Variants in WDPCP observed in about 807,000 individuals in gnomAD.
WDPCP encodes the protein WD repeat-containing and planar cell polarity effector protein fritz homolog.
WDPCP carries 71 observed loss-of-function variants against 93.1 expected under a neutral mutation model. That is an observed-to-expected ratio of 0.76 (90% CI 0.63 to 0.93). WDPCP has a LOEUF of 0.93. Ranked by LOEUF, WDPCP falls within the 40% of genes least tolerant of loss-of-function variation. The probability of loss-of-function intolerance (pLI) is 0.00; values close to 1 mark genes in which losing one functional copy is unlikely to be tolerated. For synonymous variants in WDPCP, 315 were observed against 315.0 expected, an observed-to-expected ratio of 1.00 and a Z score of 0.00; for missense variants, 844 against 887.4, an observed-to-expected ratio of 0.95 and a Z score of 0.62.
At chr2:63,699,026 G>A (rs1427580823) in intron 2 of WDPCP, among the ~76,000 whole-genome samples, 3 of 152,172 alleles carry the variant, frequency 2.0e-5, no homozygotes, top group Admixed American at 2.0e-4. Flanking sequence ...TGACTCATCT[G>A]AGCAAACTGG....
At chr2:63,171,053 TC>T (rs1673353973) in intron 15 of WDPCP, among the ~76,000 whole-genome samples, 1 of 151,794 alleles carries the variant, frequency 6.6e-6, no homozygotes, top group African/African-American at 2.4e-5. Context: ...CTTATTCACA[TC>T]CTACATAAAA....
At chr2:63,720,634 C>T (rs893392439) in intron 2 of WDPCP, among the ~76,000 whole-genome samples, 2 of 152,148 alleles carry the variant, frequency 1.3e-5, no homozygotes, top group African/African-American at 4.8e-5. Flanking sequence ...TGTCTCTTTC[C>T]ATTGACCCCT....
intron 2 of WDPCP, among the ~76,000 whole-genome samples, chr2:63,809,472 G>C (rs980405354): frequency 5.2e-5 from 8 of 152,386 alleles, no homozygotes; most frequent in African/African-American, 1.9e-4. Flanking sequence ...AATACAAAGG[G>C]GGGAAAGGTG....
chr2:63,369,414 G>A (rs761119142), intron 12 of WDPCP: 15 of 456,422 alleles, frequency 3.3e-5, no homozygotes, highest in Non-Finnish European at 6.6e-5. Flanking sequence ...TGCAGATGCA[G>A]TTCACTCTCT....
intron 6 of WDPCP, among the ~76,000 whole-genome samples, chr2:63,467,383 G>C (rs910918169): frequency 2.0e-5 from 3 of 152,086 alleles, no homozygotes; most frequent in Non-Finnish European, 4.4e-5. Flanking sequence ...AGGAGGCTGA[G>C]GCAGGAGAAT....
At chr2:63,605,446 T>A in intron 3 of WDPCP, 2 of 1,249,430 alleles carry the variant, frequency 1.6e-6, no homozygotes, top group South Asian at 1.2e-5. Context: ...TGTTGCCTGA[T>A]GATATAATAT....
chr2:63,220,357 C>A (rs974537246), intron 14 of WDPCP, among the ~76,000 whole-genome samples: 1 of 152,100 alleles, frequency 6.6e-6, no homozygotes, highest in Admixed American at 6.6e-5. Flanking sequence ...TCTGACTGAA[C>A]ATAAACAACT....
chr2:63,478,558 A>C (rs1700093491), intron 6 of WDPCP, among the ~76,000 whole-genome samples: 1 of 152,178 alleles, frequency 6.6e-6, no homozygotes, highest in Non-Finnish European at 1.5e-5. Context: ...ATGGAAATTA[A>C]ATAACCTGCT....
Position 63,555,459 on chromosome 2 carries a change from C to A in WDPCP, c.75+32738G>T, listed in dbSNP as rs116486155. Among the ~76,000 whole-genome samples the A allele has an allele frequency of 2.8e-3, 425 of 152,344 alleles. 2 individuals are homozygous for A. Among genetic ancestry groups the A allele is most frequent in the Admixed American group, 5.2e-3 (80 of 15,304 alleles). On this transcript the variant is annotated intron_variant, in intron 1 of 17. Coordinates refer to ENST00000272321, the MANE Select transcript of WDPCP (RefSeq NM_015910.7). ...GCGGTCCAGGCCAGTGGGATTCCCC[C>A]CAGTGCAGCACACCCTCTCTGCCAA...
At chr2:63,550,859 A>G (rs1335123117) in intron 1 of WDPCP, among the ~76,000 whole-genome samples, 1 of 151,964 alleles carries the variant, frequency 6.6e-6, no homozygotes, top group Non-Finnish European at 1.5e-5. Flanking sequence ...AACTCCTGAA[A>G]TAAGAATTCC....
chr2:63,661,535 G>C (rs1449086482), intron 2 of WDPCP, among the ~76,000 whole-genome samples: 1 of 152,138 alleles, frequency 6.6e-6, no homozygotes, highest in Admixed American at 6.5e-5. Context: ...ATGATAGAAT[G>C]AACATACTTG....
intron 1 of WDPCP, among the ~76,000 whole-genome samples, chr2:63,575,750 T>A (rs1708071440): frequency 6.6e-6 from 1 of 151,282 alleles, no homozygotes; most frequent in African/African-American, 2.4e-5. Context: ...TATACAGCAT[T>A]CAGCATATAC....
chr2:63,715,456 C>T (rs1004060375), intron 2 of WDPCP, among the ~76,000 whole-genome samples: 1 of 152,212 alleles, frequency 6.6e-6, no homozygotes, highest in Non-Finnish European at 1.5e-5. Flanking sequence ...TGAGAAGCTA[C>T]TTTAGCTACC....
rs969531108 is a variant in WDPCP at position 63,674,629 on chromosome 2, A to G, written n.309-23791T>C. Among the ~76,000 whole-genome samples, 27 of 152,078 alleles carry G rather than the reference A, an allele frequency of 1.8e-4. 1 individual carries two copies. The highest frequency in any genetic ancestry group is 1.6e-3 in the Admixed American group (25 of 15,274). ...AAGTTCTAGAGATCTGCTGTGTAAT[A>G]TCGAGCCTATAGTTAACAATACTGT... On this transcript the variant is annotated intron_variant and non_coding_transcript_variant, in intron 2 of 4. Coordinates refer to the WDPCP transcript ENST00000467687.
At chr2:63,361,074 G>A (rs1690411536) in intron 12 of WDPCP, among the ~76,000 whole-genome samples, 1 of 152,176 alleles carries the variant, frequency 6.6e-6, no homozygotes, top group African/African-American at 2.4e-5. Flanking sequence ...GAGTGTTTTC[G>A]TGACAAGATA....
chr2:63,214,283 T>G (rs999215254), intron 14 of WDPCP, among the ~76,000 whole-genome samples: 2 of 152,162 alleles, frequency 1.3e-5, no homozygotes, highest in Non-Finnish European at 2.9e-5. Context: ...CATGATCAAG[T>G]GGGCTTCATC....
At position 63,162,227 on chromosome 2, in the gene WDPCP, A is replaced by AT. The variant is rs937277276; in HGVS notation, c.2079-8654dup. On this transcript the variant is annotated intron_variant, in intron 15 of 17. Coordinates refer to ENST00000272321, the MANE Select transcript of WDPCP (RefSeq NM_015910.7). Reference sequence around the variant, plus strand: ...AGCATGCAAGTTCAGAAAGAGGACCATTTTTTTTTTCAAAAAATATTCAAG... The same window carrying AT: ...AGCATGCAAGTTCAGAAAGAGGACCATTTTTTTTTTTCAAAAAATATTCAAG... 4.0e-4 allele frequency among the ~76,000 whole-genome samples: 59 copies of AT among 148,446 alleles called. 1 individual carries two copies. Among genetic ancestry groups the AT allele is most frequent in the Admixed American group, 8.1e-4 (12 of 14,860 alleles).
chr2:63,429,454 C>T (rs1206790929), intron 9 of WDPCP, among the ~76,000 whole-genome samples: 1 of 152,002 alleles, frequency 6.6e-6, no homozygotes, highest in East Asian at 1.9e-4. Context: ...CAACAAAGGT[C>T]TAATACATAG....
chr2:63,605,772 T>G (rs1043575485), intron 3 of WDPCP: 2 of 638,464 alleles, frequency 3.1e-6, no homozygotes, highest in Non-Finnish European at 5.6e-6. Flanking sequence ...TGAAATAATA[T>G]CCATGAAAGT....
Sources: allele counts gnomAD v4.1 joint callset (sites outside exome capture counted in the v4.1 genomes callset), GRCh38; gene constraint gnomAD v4.1.1; transcripts MANE v1.5; gene names NCBI Gene and HGNC (gene_info 2026-07-23, HGNC 2026-07-21).